EMP2: variants seen among roughly 807,000 people sequenced by gnomAD.
EMP2 encodes epithelial membrane protein 2.
EMP2 carries 19 observed loss-of-function variants against 13.7 expected under a neutral mutation model. That is an observed-to-expected ratio of 1.38 (90% CI 0.97 to 2.03). EMP2 has a LOEUF of 2.03. Ranked by LOEUF, EMP2 falls within the 30% of genes most tolerant of loss-of-function variation. The pLI is 0.00. For synonymous variants in EMP2, 97 were observed against 84.7 expected (o/e 1.15, Z -0.80); for missense variants, 253 against 220.7 (o/e 1.15, Z -0.93).
chr16:10,548,470 G>A lies in EMP2; in HGVS notation c.-60-793C>T, dbSNP rs115732639. On this transcript the variant is annotated intron_variant, in intron 1 of 4. Transcript: ENST00000359543. Reference sequence around the variant, plus strand: ...TTTTGGGAGGCCAAGGCAAGAGGATGTTAATTAAGCCCAGGAGTTTGAGAC... The same window carrying A: ...TTTTGGGAGGCCAAGGCAAGAGGATATTAATTAAGCCCAGGAGTTTGAGAC... Among the ~76,000 whole-genome samples the A allele has an allele frequency of 4.8e-3, 734 of 152,296 alleles. 6 individuals carry two copies. The highest frequency in any genetic ancestry group is 0.017 in the African/African-American group (691 of 41,560).
chr16:10,539,894 G>A (rs2050681054), intron 3 of EMP2, among the ~76,000 whole-genome samples: 1 of 135,302 alleles, frequency 7.4e-6, no homozygotes, highest in Admixed American at 7.4e-5. Context: ...CCCAATCCCA[G>A]GGATCACCTG....
In EMP2 at chr16:10,537,760, C is replaced by CCACACA. The variant is rs34979037; in HGVS notation, c.316+162_316+167dup. ...CCACTGTGGTACAGCATGCATGCGCCCACACACACACACACACACACGCAA... is the reference window on the plus strand; with the variant it reads ...CCACTGTGGTACAGCATGCATGCGCCCACACACACACACACACACACACACACGCAA... On this transcript the variant is annotated intron_variant, in intron 4 of 4. Coordinates refer to ENST00000359543, the MANE Select transcript of EMP2 (RefSeq NM_001424.6). 5.9e-3 allele frequency among the ~76,000 whole-genome samples: 879 copies of CCACACA among 149,276 alleles called. 8 individuals carry two copies. The highest frequency in any genetic ancestry group is 0.021 in the African/African-American group (838 of 40,678).
chr16:10,576,990 G>T (rs760995424), intron 1 of EMP2, among the ~76,000 whole-genome samples: 2 of 152,180 alleles, frequency 1.3e-5, no homozygotes, highest in Admixed American at 1.3e-4. Flanking sequence ...CCATCAGCAC[G>T]GGAGCACGGA....
intron 1 of EMP2, among the ~76,000 whole-genome samples, chr16:10,565,458 C>T (rs2050901154): frequency 2.6e-5 from 4 of 152,204 alleles, no homozygotes; most frequent in Admixed American, 2.6e-4. Flanking sequence ...TGAACTACAT[C>T]ATCAGCTCAT....
chr16:10,553,238 A>G (rs1371739727), intron 1 of EMP2, among the ~76,000 whole-genome samples: 1 of 152,230 alleles, frequency 6.6e-6, no homozygotes, highest in Non-Finnish European at 1.5e-5. Flanking sequence ...GACGCCAGTC[A>G]GCCACTGCCC....
chr16:10,571,846 C>T (rs2050950232), intron 1 of EMP2, among the ~76,000 whole-genome samples: 1 of 152,196 alleles, frequency 6.6e-6, no homozygotes, highest in Admixed American at 6.5e-5. Flanking sequence ...CCACTGTAAG[C>T]CAGTGATGGG....
intron 3 of EMP2, among the ~76,000 whole-genome samples, chr16:10,539,477 A>G (rs926578552): frequency 6.6e-6 from 1 of 152,078 alleles, no homozygotes; most frequent in Non-Finnish European, 1.5e-5. Flanking sequence ...CCCCATTCCC[A>G]TGAGGCCCAG....
intron 1 of EMP2, among the ~76,000 whole-genome samples, chr16:10,575,927 A>G (rs937807863): frequency 1.3e-5 from 2 of 152,044 alleles, no homozygotes; most frequent in Non-Finnish European, 1.5e-5. Context: ...AAGCTCTCAG[A>G]TATTTCAGGA....
chr16:10,556,181 C>G (rs956043668), intron 1 of EMP2, among the ~76,000 whole-genome samples: 1 of 152,106 alleles, frequency 6.6e-6, no homozygotes, highest in Non-Finnish European at 1.5e-5. Context: ...CTCCTTTTCC[C>G]CTAGCATTTC....
At chr16:10,537,827 C>G in intron 4 of EMP2, 101 bp downstream of exon 4, 3 of 1,520,068 alleles carry the variant, frequency 2.0e-6, no homozygotes, top group African/African-American at 2.7e-5. Flanking sequence ...CCAATTTCTC[C>G]TTTCCAAATT....
chr16:10,550,568 C>T (rs1017957442), intron 1 of EMP2, among the ~76,000 whole-genome samples: 15 of 152,050 alleles, frequency 9.9e-5, no homozygotes, highest in Admixed American at 9.8e-4. Flanking sequence ...TCAATGGATC[C>T]CACCAGGAGG....
intron 1 of EMP2, among the ~76,000 whole-genome samples, chr16:10,550,739 C>T (rs1467567709): frequency 6.6e-6 from 1 of 152,126 alleles, no homozygotes; most frequent in East Asian, 1.9e-4. Flanking sequence ...CTTTGGGAGG[C>T]CGAGGTGGGT....
At chr16:10,541,337 C>G (rs2142175618) in intron 3 of EMP2, among the ~76,000 whole-genome samples, 1 of 152,252 alleles carries the variant, frequency 6.6e-6, no homozygotes, top group East Asian at 1.9e-4. Flanking sequence ...GAGGGACAGA[C>G]AGTGAATATT....
chr16:10,558,456 C>T (rs1442956045), intron 1 of EMP2, among the ~76,000 whole-genome samples: 1 of 148,762 alleles, frequency 6.7e-6, no homozygotes, highest in African/African-American at 2.5e-5. Context: ...TCCAGCTATG[C>T]CTTAGTCCAA....
chr16:10,555,797 G>T (rs2050823348), intron 1 of EMP2, among the ~76,000 whole-genome samples: 1 of 152,088 alleles, frequency 6.6e-6, no homozygotes, highest in Non-Finnish European at 1.5e-5. Context: ...ATGTTAGTCA[G>T]GCTGGTCTTG....
intron 1 of EMP2, among the ~76,000 whole-genome samples, chr16:10,561,589 C>T (rs1000224008): frequency 1.1e-4 from 16 of 152,112 alleles, no homozygotes; most frequent in African/African-American, 3.1e-4. Context: ...GCTCATTGGC[C>T]GAATTGGCAA....
At chr16:10,552,599 A>G (rs909491671) in intron 1 of EMP2, among the ~76,000 whole-genome samples, 1 of 152,234 alleles carries the variant, frequency 6.6e-6, no homozygotes, top group African/African-American at 2.4e-5. Flanking sequence ...CTAGAATTTA[A>G]TAGCATCATT....
intron 1 of EMP2, among the ~76,000 whole-genome samples, chr16:10,567,546 C>T (rs1046916230): frequency 1.3e-5 from 2 of 152,172 alleles, no homozygotes; most frequent in South Asian, 4.1e-4. Flanking sequence ...GTGAGCCAGG[C>T]ATTCGTTCCA....
At chr16:10,569,927 G>A (rs1021796219) in intron 1 of EMP2, among the ~76,000 whole-genome samples, 3 of 152,174 alleles carry the variant, frequency 2.0e-5, no homozygotes, top group Non-Finnish European at 4.4e-5. Context: ...AGGAGGGAGA[G>A]GGAGCAGCCG....
Sources: gnomAD v4.1 joint callset for allele counts (sites outside exome capture counted in the v4.1 genomes callset) on GRCh38, gnomAD v4.1.1 for gene constraint, MANE v1.5 for transcripts, NCBI Gene and HGNC (gene_info 2026-07-23, HGNC 2026-07-21) for gene names.